The following RHOT1 variants were observed in gnomAD, a reference collection of about 807,000 sequenced individuals.
The protein encoded by RHOT1 is mitochondrial Rho GTPase 1.
Under a neutral mutation model 95.3 loss-of-function variants are expected in RHOT1, and 27 were observed. That is an observed-to-expected ratio of 0.28 (90% CI 0.21 to 0.39). The LOEUF (loss-of-function observed/expected upper bound fraction) is 0.39, where lower values mean the gene tolerates loss of function less well. RHOT1 is among the 10% of genes least tolerant of loss of function. The pLI is 1.00. For synonymous variants in RHOT1, 227 were observed against 263.5 expected (o/e 0.86, Z 1.34); for missense variants, 578 against 786.7 (o/e 0.73, Z 3.17).
chr17:32,221,382 A>C (rs1751883107), intron 19 of RHOT1, among the ~76,000 whole-genome samples: 1 of 151,712 alleles, frequency 6.6e-6, no homozygotes, highest in African/African-American at 2.4e-5. Flanking sequence ...AAAAAAAAAA[A>C]AAAAAGAAAG....
intron 1 of RHOT1, chr17:32,150,520 C>G: frequency 4.9e-6 from 7 of 1,435,854 alleles, no homozygotes; most frequent in Non-Finnish European, 6.8e-6. Context: ...CCTTATCATA[C>G]TGGGCCAGGT....
chr17:32,154,586 CAA>C (rs1022159247), intron 1 of RHOT1, among the ~76,000 whole-genome samples: 8 of 61,732 alleles, frequency 1.3e-4, no homozygotes, highest in Non-Finnish European at 9.3e-5. Flanking sequence ...GGCTCCATCT[CAA>C]AAAAAAAAAA....
chr17:32,171,925 A>G (rs904309037), intron 2 of RHOT1, among the ~76,000 whole-genome samples: 3 of 152,208 alleles, frequency 2.0e-5, no homozygotes, highest in Non-Finnish European at 2.9e-5. Context: ...TGGTTTTATT[A>G]TTACTGGCAA....
In RHOT1 at chr17:32,194,030, C is replaced by T. The variant is rs374605408; in HGVS notation, c.792C>T (p.His264=). 18 of 1,613,806 alleles carry T rather than the reference C, an allele frequency of 1.1e-5. No individual in the cohort carries two copies. Among genetic ancestry groups the T allele is most frequent in the East Asian group, 1.1e-4 (5 of 44,898 alleles). The part of the protein sequence containing the change: ...LHTLFIQRGR[H]ETTWTVLRRF... ...CACTTTTTATCCAGAGAGGGAGACA[C>T]GAAACTACTTGGACTGTGCTTCGAC... is the stretch of plus-strand genomic sequence containing the variant. The change falls in exon 11 of 20, where the codon CAC becomes CAT. Residue 264 remains histidine (H), a synonymous_variant. Transcript: ENST00000545287.
chr17:32,195,071 C>T (rs1391773667), intron 11 of RHOT1, among the ~76,000 whole-genome samples: 1 of 151,542 alleles, frequency 6.6e-6, no homozygotes, highest in African/African-American at 2.4e-5. Context: ...GTGATCCACC[C>T]GCCTCAGCCT....
At chr17:32,220,403 A>G (rs117593216) in intron 19 of RHOT1, among the ~76,000 whole-genome samples, 1,638 of 152,346 alleles carry the variant, frequency 0.011, 15 homozygotes, top group Non-Finnish European at 0.018. Context: ...ATAGCCAGCA[A>G]TAGGAGAATA....
chr17:32,172,038 A>C (rs1045154371), intron 2 of RHOT1, among the ~76,000 whole-genome samples: 2 of 152,196 alleles, frequency 1.3e-5, no homozygotes, highest in Non-Finnish European at 2.9e-5. Context: ...ATGGGATGAA[A>C]ATGATTTCAA....
intron 19 of RHOT1, among the ~76,000 whole-genome samples, chr17:32,220,304 GT>G (rs546111415): frequency 4.0e-4 from 61 of 152,278 alleles, no homozygotes; most frequent in Non-Finnish European, 6.9e-4. Flanking sequence ...CGAGGCTACG[GT>G]GAGCTAGGAT....
intron 1 of RHOT1, among the ~76,000 whole-genome samples, chr17:32,157,926 C>G (rs949833062): frequency 1.3e-5 from 2 of 152,162 alleles, no homozygotes; most frequent in African/African-American, 4.8e-5. Flanking sequence ...CCGACAAGGT[C>G]TTGCTCTTTC....
Position 32,190,264 on chromosome 17 carries a change from G to C in RHOT1, c.541-1937G>C, listed in dbSNP as rs1598400943. 3.3e-5 allele frequency among the ~76,000 whole-genome samples: 5 copies of C among 152,154 alleles called. 1 individual carries two copies. The South Asian group carries it at 1.0e-3, about 32-fold the overall frequency. On this transcript the variant is annotated intron_variant, in intron 8 of 19. Transcript: ENST00000545287. The stretch of plus-strand genomic sequence containing the variant: ...AGGTTAGGAGATCGAGACCATCCTG[G>C]CTAACATGGTGAAACCCCGTCTCTA...
At chr17:32,148,199 A>C (rs1598273266) in intron 1 of RHOT1, among the ~76,000 whole-genome samples, 1 of 151,988 alleles carries the variant, frequency 6.6e-6, no homozygotes, top group African/African-American at 2.4e-5. Flanking sequence ...CGGGAGGCGG[A>C]GTTTGCAGTG....
At chr17:32,219,238 A>G (rs1169312146) in intron 19 of RHOT1, among the ~76,000 whole-genome samples, 1 of 152,118 alleles carries the variant, frequency 6.6e-6, no homozygotes, top group Non-Finnish European at 1.5e-5. Flanking sequence ...TTTCTACTGA[A>G]CTTTTCTTTT....
chr17:32,165,912 T>C (rs7219053), intron 1 of RHOT1, among the ~76,000 whole-genome samples: 40,062 of 151,994 alleles, frequency 0.26, 6,627 homozygotes, highest in African/African-American at 0.47. Flanking sequence ...AGGCTAGGTG[T>C]GGTGGTGCAT....
chr17:32,221,807 A>G (rs2038851732), intron 19 of RHOT1, among the ~76,000 whole-genome samples: 1 of 152,230 alleles, frequency 6.6e-6, no homozygotes, highest in Non-Finnish European at 1.5e-5. Flanking sequence ...AGAATATATT[A>G]TTTCATGTGT....
intron 8 of RHOT1, among the ~76,000 whole-genome samples, chr17:32,187,398 C>T (rs1201222640): frequency 2.0e-5 from 3 of 151,720 alleles, no homozygotes; most frequent in Admixed American, 2.0e-4. Context: ...GTGTGAGTCA[C>T]CACACCACCA....
chr17:32,142,898 T>A (rs1420203620), intron 1 of RHOT1, 169 bp downstream of exon 1: 7 of 752,382 alleles, frequency 9.3e-6, no homozygotes, highest in African/African-American at 3.5e-5. Context: ...GCCCCTTCAC[T>A]CTTCTCTTTT....
At chr17:32,193,753 A>G (rs1177482046) in intron 10 of RHOT1, among the ~76,000 whole-genome samples, 1 of 152,198 alleles carries the variant, frequency 6.6e-6, no homozygotes, top group East Asian at 1.9e-4. Context: ...ATTCCTTGAG[A>G]TGCAATGTTG....
At chr17:32,161,507 C>T (rs1213615693) in intron 1 of RHOT1, among the ~76,000 whole-genome samples, 1 of 152,204 alleles carries the variant, frequency 6.6e-6, no homozygotes, top group East Asian at 1.9e-4. Context: ...GAATTCAGGT[C>T]CCTCACATAA....
intron 18 of RHOT1, chr17:32,208,552 T>C (rs192685155): frequency 5.1e-4 from 223 of 439,894 alleles, no homozygotes; most frequent in African/African-American, 4.2e-3. Flanking sequence ...CTTAATAGAA[T>C]AGTACAATAA....
Sources: gnomAD v4.1 joint callset for allele counts (sites outside exome capture counted in the v4.1 genomes callset) on GRCh38, gnomAD v4.1.1 for gene constraint, MANE v1.5 for transcripts, NCBI Gene and HGNC (gene_info 2026-07-23, HGNC 2026-07-21) for gene names.